The following NECAB1 variants were observed in gnomAD, a reference collection of about 807,000 sequenced individuals.
NECAB1 encodes N-terminal EF-hand calcium binding protein 1, also known as N-terminal EF-hand calcium-binding protein 1.
A neutral mutation model predicts 57.5 loss-of-function variants in NECAB1; 29 were observed. The ratio of observed to expected loss-of-function variants is 0.50; its 90% confidence interval spans 0.38 to 0.69. The LOEUF (loss-of-function observed/expected upper bound fraction) is 0.69, where lower values mean the gene tolerates loss of function less well. NECAB1 is among the 30% of genes least tolerant of loss of function. The pLI is 0.00. For synonymous variants in NECAB1, 142 were observed against 147.7 expected (o/e 0.96, Z 0.28); for missense variants, 372 against 413.8 (o/e 0.90, Z 0.88).
intron 4 of NECAB1, among the ~76,000 whole-genome samples, chr8:90,875,887 G>C (rs969471892): frequency 9.3e-5 from 14 of 149,818 alleles, no homozygotes; most frequent in African/African-American, 3.5e-4. Flanking sequence ...GCAGGCGCCT[G>C]TAGTCCCAGC....
chr8:90,881,436 G>A (rs918194434), intron 5 of NECAB1, among the ~76,000 whole-genome samples: 3 of 152,128 alleles, frequency 2.0e-5, no homozygotes, highest in South Asian at 2.1e-4. Context: ...ATCCCATGTC[G>A]AATTGTAATC....
chr8:90,834,410 G>T (rs985877701), intron 3 of NECAB1, among the ~76,000 whole-genome samples: 1 of 152,080 alleles, frequency 6.6e-6, no homozygotes, highest in Admixed American at 6.6e-5. Flanking sequence ...AGGTCATAAG[G>T]ATTCCACCCT....
intron 8 of NECAB1, among the ~76,000 whole-genome samples, chr8:90,929,654 C>G (rs1810359782): frequency 6.6e-6 from 1 of 152,096 alleles, no homozygotes; most frequent in South Asian, 2.1e-4. Flanking sequence ...GTCTTGATAA[C>G]AATCCCAGAG....
intron 10 of NECAB1, among the ~76,000 whole-genome samples, chr8:90,945,235 T>G (rs555205707): frequency 2.6e-5 from 4 of 152,058 alleles, no homozygotes; most frequent in Admixed American, 2.6e-4. Flanking sequence ...ACCCGGCTAA[T>G]TTTTTGTATT....
At chr8:90,913,470 GA>G (rs913558170) in intron 5 of NECAB1, among the ~76,000 whole-genome samples, 22 of 145,928 alleles carry the variant, frequency 1.5e-4, no homozygotes, top group Admixed American at 1.3e-3. Context: ...AACTGCGTTT[GA>G]AAAAAAAAAG....
At chr8:90,843,734 T>G (rs569740267) in intron 3 of NECAB1, among the ~76,000 whole-genome samples, 1 of 152,354 alleles carries the variant, frequency 6.6e-6, no homozygotes, top group African/African-American at 2.4e-5. Flanking sequence ...TCTAGTATCA[T>G]TTTTGGACAG....
chr8:90,809,515 ATATAAT>A (rs1291848770), intron 2 of NECAB1, among the ~76,000 whole-genome samples: 5 of 152,244 alleles, frequency 3.3e-5, no homozygotes, highest in African/African-American at 1.2e-4. Context: ...ACTTTTGGAT[ATATAAT>A]TAGCAGATTT....
chr8:90,872,101 C>T, intron 3 of NECAB1, 27 bp from the exon 4 acceptor site: 1 of 1,526,652 alleles, frequency 6.6e-7, no homozygotes, highest in Non-Finnish European at 8.9e-7. Context: ...AGTAATAACA[C>T]TGTTTTTTTT....
intron 1 of NECAB1, among the ~76,000 whole-genome samples, chr8:90,795,706 TCTCACA>T (rs1563489336): frequency 7.3e-6 from 1 of 136,322 alleles, no homozygotes; most frequent in African/African-American, 3.3e-5. Context: ...ACCTCATCTC[TCTCACA>T]CACACACACA....
intron 2 of NECAB1, among the ~76,000 whole-genome samples, chr8:90,810,077 A>G (rs1811931790): frequency 6.6e-6 from 1 of 152,236 alleles, no homozygotes; most frequent in Non-Finnish European, 1.5e-5. Flanking sequence ...GTGAGTAAAT[A>G]GGATTTGTAT....
chr8:90,803,190 C>T (rs995965412), intron 2 of NECAB1, among the ~76,000 whole-genome samples: 2 of 152,204 alleles, frequency 1.3e-5, no homozygotes, highest in South Asian at 4.1e-4. Context: ...GGCCACTGCA[C>T]CCGGCCCATT....
chr8:90,941,118 C>G (rs1176074932), intron 10 of NECAB1, among the ~76,000 whole-genome samples: 1 of 152,186 alleles, frequency 6.6e-6, no homozygotes, highest in Non-Finnish European at 1.5e-5. Context: ...CTTTAAACCC[C>G]GTGTCGTCTG....
intron 10 of NECAB1, among the ~76,000 whole-genome samples, chr8:90,945,739 C>A (rs1235711134): frequency 6.6e-6 from 1 of 152,150 alleles, no homozygotes; most frequent in East Asian, 1.9e-4. Flanking sequence ...TCCATTTCCC[C>A]CAGAAGCCAT....
Position 90,922,916 on chromosome 8 carries a change from C to G in NECAB1, c.495-2619C>G, listed in dbSNP as rs1238722657. On this transcript the variant is annotated intron_variant, in intron 6 of 12. Transcript: ENST00000417640. ...CCTTCAAAACATGACATAAAAGTAC[C>G]TGGATAAAAGGAGGCATTAACCTGC... Among the ~76,000 whole-genome samples, 4 of 152,140 alleles carry G rather than the reference C, an allele frequency of 2.6e-5. No homozygotes were observed. In the East Asian group the frequency reaches 7.7e-4, roughly 29 times the overall value.
At chr8:90,842,411 G>A (rs185843857) in intron 3 of NECAB1, among the ~76,000 whole-genome samples, 76 of 152,284 alleles carry the variant, frequency 5.0e-4, no homozygotes, top group Middle Eastern at 3.4e-3. Flanking sequence ...TTAAAGATAG[G>A]TGGAGGGTAG....
At chr8:90,869,055 A>G (rs6982576) in intron 3 of NECAB1, among the ~76,000 whole-genome samples, 3,990 of 152,322 alleles carry the variant, frequency 0.026, 177 homozygotes, top group African/African-American at 0.091. Context: ...GCTAAAAGGG[A>G]CAAAGGTACA....
rs73313057 is a variant in NECAB1 at position 90,818,638 on chromosome 8, T to C, written c.125-6079T>C. Among the ~76,000 whole-genome samples, 602 of 152,190 alleles carry C rather than the reference T, an allele frequency of 4.0e-3. 4 individuals are homozygous for C. The highest frequency in any genetic ancestry group is 0.014 in the African/African-American group (564 of 41,558). On this transcript the variant is annotated intron_variant, in intron 2 of 12. Transcript: ENST00000417640. The stretch of plus-strand genomic sequence containing the variant: ...TCTATAGCAGAGATGCTTGTTGTTT[T>C]CTTCTTGTTCTGTCTACATTTCCTC...
chr8:90,927,545 C>T (rs1810303361), intron 7 of NECAB1, among the ~76,000 whole-genome samples: 2 of 151,410 alleles, frequency 1.3e-5, no homozygotes, highest in African/African-American at 4.9e-5. Context: ...CTTCCCTTTG[C>T]ATAACAATGT....
At chr8:90,849,406 C>T (rs1354716480) in intron 3 of NECAB1, among the ~76,000 whole-genome samples, 1 of 150,760 alleles carries the variant, frequency 6.6e-6, no homozygotes, top group Admixed American at 6.6e-5. Context: ...GAGTTCAGGA[C>T]AGCAATGAGC....
Sources: gnomAD v4.1 joint callset for allele counts (sites outside exome capture counted in the v4.1 genomes callset) on GRCh38, gnomAD v4.1.1 for gene constraint, MANE v1.5 for transcripts, NCBI Gene and HGNC (gene_info 2026-07-23, HGNC 2026-07-21) for gene names.